ADGRF5: variants seen among roughly 807,000 people sequenced by gnomAD.
The protein encoded by ADGRF5 is G-protein coupled receptor 116.
A neutral mutation model predicts 132.3 loss-of-function variants in ADGRF5; 75 were observed. The ratio of observed to expected loss-of-function variants is 0.57; its 90% CI spans 0.47 to 0.69. The LOEUF is 0.69. Ranked by LOEUF, ADGRF5 falls within the 30% of genes least tolerant of loss-of-function variation. ADGRF5 has a pLI of 0.00. For synonymous variants in ADGRF5, 629 were observed against 597.6 expected (o/e 1.05, Z -0.77); for missense variants, 1,516 against 1,630.6 (o/e 0.93, Z 1.21).
chr6:46,858,048 C>T, intron 17 of ADGRF5, 81 bp downstream of exon 17: 2 of 1,059,526 alleles, frequency 1.9e-6, no homozygotes, highest in Non-Finnish European at 2.7e-6. Context: ...CTTCCCCATT[C>T]CTACTCTTGT....
chr6:46,937,721 C>T lies in ADGRF5; in HGVS notation c.-25+17013G>A, dbSNP rs375646810. 3.2e-3 allele frequency among the ~76,000 whole-genome samples: 489 copies of T among 152,206 alleles called. 2 individuals carry two copies. The highest frequency in any genetic ancestry group is 0.011 in the African/African-American group (469 of 41,534). On this transcript the variant is annotated intron_variant, in intron 1 of 20. Coordinates refer to the ADGRF5 transcript ENST00000265417. ...ATATACCAGCATCACTAATCTTGTG[C>T]TTTGGGGCGATTATTAAGTCAGATA...
intron 1 of ADGRF5, among the ~76,000 whole-genome samples, chr6:46,929,855 C>G (rs1777469093): frequency 6.6e-6 from 1 of 151,654 alleles, no homozygotes; most frequent in Admixed American, 6.6e-5. Context: ...GTGTTTCACT[C>G]TTGTTGCCCA....
chr6:46,877,378 T>TTTCTTC, intron 10 of ADGRF5, among the ~76,000 whole-genome samples: 1 of 51,406 alleles, frequency 1.9e-5, no homozygotes, highest in African/African-American at 5.6e-5. Flanking sequence ...TCTTTCTTTC[T>TTTCTTC]TTCTTTCTTC....
In ADGRF5 at chr6:46,883,562, T is replaced by C. The variant is rs749302922; in HGVS notation, c.609A>G (p.Thr203=). The C allele has an allele frequency of 3.2e-6, 5 of 1,583,592 alleles. No homozygotes were observed. Among genetic ancestry groups the C allele is most frequent in the East Asian group, 4.5e-5 (2 of 44,644 alleles). ...GGTTCTTGGGGCCAAAACCTACCGC[T>C]GTTTCCAAGTCGGTCTTGTAGGACC... The part of the protein sequence containing the change: ...LYRSYKTDLE[T]AFRKGYGILP... The change falls in exon 6 of 21, where the codon ACA becomes ACG. Residue 203 remains threonine, a synonymous_variant. Transcript: ENST00000283296.
At chr6:46,947,684 A>G (rs1283093227) in intron 1 of ADGRF5, among the ~76,000 whole-genome samples, 25 of 152,236 alleles carry the variant, frequency 1.6e-4, no homozygotes, top group Admixed American at 1.6e-3. Context: ...CACTTCGGAC[A>G]TTCGCAACCT....
At position 46,927,449 on chromosome 6, in the gene ADGRF5, G is replaced by A. The variant is rs1416278270; in HGVS notation, c.-24-20663C>T. Among the ~76,000 whole-genome samples the A allele has an allele frequency of 2.6e-5, 4 of 152,146 alleles. No homozygotes were observed. The South Asian group carries it at 8.3e-4, about 32-fold the overall frequency. The stretch of plus-strand genomic sequence containing the variant: ...ATCTTGTGTCTCTGCATCCCGTGCT[G>A]TTACCTTATGCTCTGGTGAACCCCC... On this transcript the variant is annotated intron_variant, in intron 1 of 20. Transcript: ENST00000265417.
chr6:46,920,062 C>G (rs906065488), intron 1 of ADGRF5, among the ~76,000 whole-genome samples: 2 of 152,168 alleles, frequency 1.3e-5, no homozygotes, highest in African/African-American at 4.8e-5. Context: ...GGCAATCTCT[C>G]CTGTCTTCAC....
intron 10 of ADGRF5, 118 bp from the exon 11 acceptor site, chr6:46,872,131 T>C (rs1233208729): frequency 1.4e-5 from 10 of 699,102 alleles, no homozygotes; most frequent in Non-Finnish European, 2.3e-5. Flanking sequence ...ATTTCTTCTC[T>C]GAATGGAGAA....
upstream of ADGRF5, among the ~76,000 whole-genome samples, chr6:46,924,152 C>T (rs1317970750): frequency 6.6e-6 from 1 of 152,206 alleles, no homozygotes; most frequent in Non-Finnish European, 1.5e-5. Context: ...TGCCCTTCTC[C>T]TTTCTTCACA....
intron 10 of ADGRF5, among the ~76,000 whole-genome samples, chr6:46,877,235 C>CTTTCTTTCTTTCTTTCTTTCTTTT: frequency 3.8e-5 from 1 of 26,252 alleles, no homozygotes; most frequent in African/African-American, 2.3e-4. Context: ...CTCTTTCTTT[C>CTTTCTTTCTTTCTTTCTTTCTTTT]TTTCTTTCTT....
chr6:46,932,668 G>A (rs1029463241), intron 1 of ADGRF5, among the ~76,000 whole-genome samples: 5 of 152,156 alleles, frequency 3.3e-5, no homozygotes, highest in African/African-American at 1.2e-4. Context: ...CAATAGAAGG[G>A]TGACATCGCT....
chr6:46,893,619 T>C (rs1773879921), intron 3 of ADGRF5, among the ~76,000 whole-genome samples: 1 of 152,178 alleles, frequency 6.6e-6, no homozygotes, highest in Non-Finnish European at 1.5e-5. Context: ...TGAGGACAGT[T>C]CCTCAACTTC....
In ADGRF5 at chr6:46,858,814, C is replaced by A; in HGVS notation, c.3089G>T (p.Cys1030Phe). The A allele has an allele frequency of 6.2e-7, 1 of 1,614,122 alleles. No homozygotes were observed. The highest frequency in any genetic ancestry group is 8.5e-7 in the Non-Finnish European group (1 of 1,179,982). Residue 1030 changes from cysteine (C) to phenylalanine (F), a missense_variant, in exon 17 of 21, where the codon TGT (cysteine) becomes TTT (phenylalanine). Physicochemically the swap from Cys to Phe is radical, Grantham distance 205. Around this residue, in one of 2 missense-constraint regions of ADGRF5, gnomAD observed 571 missense variants for 701.2 expected, o/e 0.81. Transcript: ENST00000283296. ...VGFSILSLAA[C>F]LVVEAVVWKS... is the part of the protein sequence containing the mutation. ...CCACACCACAGCTTCCACAACTAGA[C>A]AGGCTGCCAAGCTCAAGATGGAAAA...
chr6:46,885,716 A>G (rs548177008), intron 4 of ADGRF5, among the ~76,000 whole-genome samples: 32 of 152,350 alleles, frequency 2.1e-4, no homozygotes, highest in African/African-American at 5.0e-4. Context: ...CTTCCTTTCT[A>G]CATGTTAAAT....
At position 46,891,993 on chromosome 6, in the gene ADGRF5, A is replaced by T. The variant is rs956896594; in HGVS notation, c.158-3488T>A. On this transcript the variant is annotated intron_variant, in intron 3 of 20. Transcript: ENST00000283296. ...AACTGATATGGATGGGGAACCTCGA[A>T]TAGAGAAGGAAATGCCTTCTCCTTG... Among the ~76,000 whole-genome samples the T allele has an allele frequency of 3.9e-5, 6 of 152,330 alleles. No individual in the cohort carries two copies. In the East Asian group the frequency reaches 9.6e-4, roughly 24 times the overall value.
At chr6:46,934,773 CTG>C (rs999587814) in intron 1 of ADGRF5, among the ~76,000 whole-genome samples, 38 of 152,294 alleles carry the variant, frequency 2.5e-4, no homozygotes, top group African/African-American at 8.7e-4. Context: ...CTGAGTTCCT[CTG>C]TGTCAGGAGC....
At chr6:46,865,242 C>T (rs372650325) in intron 13 of ADGRF5, 45 bp from the exon 14 acceptor site, 7 of 1,355,712 alleles carry the variant, frequency 5.2e-6, no homozygotes, top group Non-Finnish European at 7.3e-6. Context: ...ACATGAGTCT[C>T]TAATGCACAA....
intron 1 of ADGRF5, among the ~76,000 whole-genome samples, chr6:46,909,974 G>A (rs1234348167): frequency 6.6e-6 from 1 of 151,276 alleles, no homozygotes; most frequent in African/African-American, 2.4e-5. Context: ...CACCATTCTA[G>A]TCCAACCTCT....
chr6:46,876,454 G>T (rs1232350534), intron 10 of ADGRF5, among the ~76,000 whole-genome samples: 1 of 152,206 alleles, frequency 6.6e-6, no homozygotes, highest in Non-Finnish European at 1.5e-5. Context: ...AGAAATCAGG[G>T]AAGTGACTCC....
Sources: gnomAD v4.1 joint callset for allele counts (sites outside exome capture counted in the v4.1 genomes callset) on GRCh38, gnomAD v4.1.1 for gene constraint, gnomAD v4.1.1 regional missense constraint, MANE v1.5 for transcripts, NCBI Gene and HGNC (gene_info 2026-07-23, HGNC 2026-07-21) for gene names.